CLYBL: variants seen among roughly 807,000 people sequenced by gnomAD.
CLYBL encodes citramalyl-CoA lyase, also known as citramalyl-CoA lyase, mitochondrial.
A neutral mutation model predicts 38.9 loss-of-function variants in CLYBL; 31 were observed. The ratio of observed to expected loss-of-function variants is 0.80; its 90% CI spans 0.60 to 1.08. CLYBL has a LOEUF of 1.08. Ranked by LOEUF, CLYBL falls within the 50% of genes least tolerant of loss-of-function variation. CLYBL has a pLI of 0.00. For synonymous variants in CLYBL, 171 were observed against 158.6 expected (o/e 1.08, Z -0.59); for missense variants, 434 against 411.6 (o/e 1.05, Z -0.47).
chr13:99,626,862 T>A (rs529277925), intron 1 of CLYBL, among the ~76,000 whole-genome samples: 1 of 151,950 alleles, frequency 6.6e-6, no homozygotes, highest in African/African-American at 2.4e-5. Flanking sequence ...ATTTAAGACA[T>A]GACATTCCAG....
At chr13:99,829,269 A>G (rs1353231167) in intron 2 of CLYBL, among the ~76,000 whole-genome samples, 1 of 152,234 alleles carries the variant, frequency 6.6e-6, no homozygotes, top group African/African-American at 2.4e-5. Flanking sequence ...TGCAGATGCA[A>G]ACCTTCCTGT....
At chr13:99,692,393 G>A (rs1156604555) in intron 1 of CLYBL, among the ~76,000 whole-genome samples, 8 of 151,800 alleles carry the variant, frequency 5.3e-5, no homozygotes, top group African/African-American at 1.4e-4. Context: ...CCGGGTTCAC[G>A]CCATTCCCCG....
intron 2 of CLYBL, among the ~76,000 whole-genome samples, chr13:99,799,369 A>G (rs2050084701): frequency 7.1e-6 from 1 of 141,022 alleles, no homozygotes; most frequent in African/African-American, 2.7e-5. Context: ...TGCATGATAT[A>G]CACACATTCA....
chr13:99,691,728 C>T (rs1430430816), intron 1 of CLYBL, among the ~76,000 whole-genome samples: 1 of 152,168 alleles, frequency 6.6e-6, no homozygotes, highest in African/African-American at 2.4e-5. Flanking sequence ...AAGCTAATAG[C>T]GACTTCCTCC....
At chr13:99,858,416 G>A (rs1566356685) in intron 2 of CLYBL, among the ~76,000 whole-genome samples, 1 of 152,178 alleles carries the variant, frequency 6.6e-6, no homozygotes, top group East Asian at 1.9e-4. Context: ...TCCCTAATGT[G>A]AAGAAGCTGA....
Position 99,696,567 on chromosome 13 carries a change from G to A in CLYBL, c.63-76257G>A, listed in dbSNP as rs184619177. 1.2e-3 allele frequency among the ~76,000 whole-genome samples: 190 copies of A among 152,104 alleles called. 1 individual carries two copies. The highest frequency in any genetic ancestry group is 4.5e-3 in the African/African-American group (185 of 41,492). ...ATTGAAATTTAAATCTATGATTCAA[G>A]TCCTGATACATAAGACACATGGCAC... On this transcript the variant is annotated intron_variant, in intron 1 of 8. Coordinates refer to ENST00000339105, the MANE Select transcript of CLYBL (RefSeq NM_206808.5).
chr13:99,872,800 CACTT>C (rs747621007), intron 7 of CLYBL, among the ~76,000 whole-genome samples: 3 of 152,206 alleles, frequency 2.0e-5, no homozygotes, highest in Non-Finnish European at 2.9e-5. Context: ...AAACCAGAAA[CACTT>C]GCTTTGCTCA....
At chr13:99,815,200 G>A (rs1441728688) in intron 2 of CLYBL, among the ~76,000 whole-genome samples, 1 of 152,146 alleles carries the variant, frequency 6.6e-6, no homozygotes, top group Non-Finnish European at 1.5e-5. Context: ...CCCAAGAACA[G>A]CAGATTAAAA....
intron 7 of CLYBL, among the ~76,000 whole-genome samples, chr13:99,872,546 A>G (rs1566362407): frequency 6.6e-6 from 1 of 152,166 alleles, no homozygotes; most frequent in Non-Finnish European, 1.5e-5. Context: ...TACCTCTGCT[A>G]CAAGCCTTGT....
At chr13:99,753,587 G>C (rs2048996746) in intron 1 of CLYBL, among the ~76,000 whole-genome samples, 1 of 152,178 alleles carries the variant, frequency 6.6e-6, no homozygotes. Context: ...GGTTTGATTA[G>C]TACGTCTTTA....
At chr13:99,650,391 C>T (rs1658711487) in intron 1 of CLYBL, among the ~76,000 whole-genome samples, 1 of 152,154 alleles carries the variant, frequency 6.6e-6, no homozygotes, top group Non-Finnish European at 1.5e-5. Context: ...CACCGTACTC[C>T]AGCCTGGGTG....
At chr13:99,646,815 C>T (rs924309089) in intron 1 of CLYBL, among the ~76,000 whole-genome samples, 2 of 152,126 alleles carry the variant, frequency 1.3e-5, no homozygotes, top group Non-Finnish European at 2.9e-5. Flanking sequence ...TGAGCCACCA[C>T]GCCTGGCTGG....
At chr13:99,895,217 G>T (rs2152134974), downstream of CLYBL, 1 of 152,156 alleles carries the variant, frequency 6.6e-6, no homozygotes, top group East Asian at 1.9e-4. Flanking sequence ...GTAATTTTCT[G>T]ATGATGCCAC....
intron 1 of CLYBL, among the ~76,000 whole-genome samples, chr13:99,638,078 C>G (rs1436976349): frequency 6.7e-6 from 1 of 149,986 alleles, no homozygotes; most frequent in Non-Finnish European, 1.5e-5. Context: ...AGTCTCCTAC[C>G]TTAGCCTCCT....
At chr13:99,809,711 A>G (rs2050303856) in intron 2 of CLYBL, among the ~76,000 whole-genome samples, 1 of 152,220 alleles carries the variant, frequency 6.6e-6, no homozygotes, top group East Asian at 1.9e-4. Context: ...GCCTCTGGTA[A>G]TGAGCTGCCT....
rs533378731 is a variant in CLYBL at position 99,709,024 on chromosome 13, C to T, written c.63-63800C>T. Among the ~76,000 whole-genome samples, 27 of 151,594 alleles carry T rather than the reference C, an allele frequency of 1.8e-4. No homozygotes were observed. The East Asian group carries it at 4.3e-3, about 24-fold the overall frequency. On this transcript the variant is annotated intron_variant, in intron 1 of 8. Coordinates refer to ENST00000339105, the MANE Select transcript of CLYBL (RefSeq NM_206808.5). ...AGGAGAACTGCTTGAACCAGGGGGG[C>T]GGAGGTTCCAGTGAACCGAGATAAC... is the stretch of plus-strand genomic sequence containing the variant.
intron 2 of CLYBL, among the ~76,000 whole-genome samples, chr13:99,792,087 C>T (rs1275132894): frequency 6.6e-6 from 1 of 152,102 alleles, no homozygotes; most frequent in Non-Finnish European, 1.5e-5. Context: ...TTTTTCCCTC[C>T]AGAAGCCAGA....
chr13:99,697,161 GA>G (rs1156369348), intron 1 of CLYBL, among the ~76,000 whole-genome samples: 7 of 152,172 alleles, frequency 4.6e-5, no homozygotes, highest in Non-Finnish European at 1.0e-4. Flanking sequence ...GAGAGCCCCT[GA>G]ATTGTAGCAC....
chr13:99,738,401 A>C (rs577239619), intron 1 of CLYBL, among the ~76,000 whole-genome samples: 1 of 152,212 alleles, frequency 6.6e-6, no homozygotes, highest in Non-Finnish European at 1.5e-5. Context: ...TAGGGCAGAC[A>C]GTTATTAGAA....
Sources: gnomAD v4.1 joint callset for allele counts (sites outside exome capture counted in the v4.1 genomes callset) on GRCh38, gnomAD v4.1.1 for gene constraint, MANE v1.5 for transcripts, NCBI Gene and HGNC (gene_info 2026-07-23, HGNC 2026-07-21) for gene names.